The following KCNMA1 variants were observed in gnomAD, a reference collection of about 807,000 sequenced individuals.
KCNMA1 encodes Calcium-activated potassium channel subunit alpha-1.
KCNMA1 carries 29 observed loss-of-function variants against 140.0 expected under a neutral mutation model. The observed-to-expected ratio is 0.21, with a 90% CI of 0.15 to 0.28. KCNMA1 has a LOEUF of 0.28. Among genes scored for constraint, KCNMA1 ranks in the 10% least tolerant of loss-of-function variants. The pLI, the probability that KCNMA1 is intolerant of heterozygous loss-of-function variation, is 1.00. For missense variants in KCNMA1, 880 were observed against 1,602.2 expected, an observed-to-expected ratio of 0.55 and a Z score of 7.70; for synonymous variants, 612 against 611.9, an observed-to-expected ratio of 1.00 and a Z score of 0.00.
chr10:77,086,843 C>T (rs777783893), intron 10 of KCNMA1, among the ~76,000 whole-genome samples: 1 of 152,214 alleles, frequency 6.6e-6, no homozygotes, highest in Admixed American at 6.5e-5. Flanking sequence ...GACCTCAGGA[C>T]AAATGTCTTC....
At chr10:76,888,504 C>T (rs1225887719) in intron 27 of KCNMA1, among the ~76,000 whole-genome samples, 8 of 152,038 alleles carry the variant, frequency 5.3e-5, no homozygotes, top group Non-Finnish European at 7.4e-5. Flanking sequence ...GGATGAGAAA[C>T]GCTTGTCTCT....
At chr10:77,229,449 C>G (rs2052760961) in intron 3 of KCNMA1, among the ~76,000 whole-genome samples, 1 of 152,026 alleles carries the variant, frequency 6.6e-6, no homozygotes, top group South Asian at 2.1e-4. Context: ...TGTTTCTATC[C>G]ATAATTGAGG....
rs533827460 is a variant in KCNMA1, at chr10:77,212,115, T to C, written c.603-27199A>G. 1.2e-3 allele frequency among the ~76,000 whole-genome samples: 179 copies of C among 152,234 alleles called. 2 individuals are homozygous for C. Among genetic ancestry groups the C allele is most frequent in the African/African-American group, 4.0e-3 (167 of 41,548 alleles). On this transcript the variant is annotated intron_variant, in intron 3 of 27. Coordinates refer to ENST00000286628, the MANE Select transcript of KCNMA1 (RefSeq NM_001161352.2). ...TACTGGGTATATACCCAAAGGAAAC[T>C]AGATAATTATACCAAAAAAACACAT...
chr10:76,930,433 T>C (rs144428630), intron 23 of KCNMA1, among the ~76,000 whole-genome samples: 640 of 152,334 alleles, frequency 4.2e-3, no homozygotes, highest in Admixed American at 6.8e-3. Context: ...TATCACCTCA[T>C]ACCTGTTAAG....
At chr10:77,006,773 A>T (rs994651237) in intron 18 of KCNMA1, among the ~76,000 whole-genome samples, 1 of 152,194 alleles carries the variant, frequency 6.6e-6, no homozygotes, top group African/African-American at 2.4e-5. Context: ...CCAATTCTGA[A>T]GGACCATTCA....
intron 3 of KCNMA1, among the ~76,000 whole-genome samples, chr10:77,201,279 G>A (rs12262374): frequency 2.2e-4 from 34 of 152,190 alleles, no homozygotes; most frequent in African/African-American, 7.7e-4. Flanking sequence ...TCTGTGTGCT[G>A]CTGTGACCAT....
At chr10:77,203,223 C>G (rs2042999948) in intron 3 of KCNMA1, among the ~76,000 whole-genome samples, 1 of 152,176 alleles carries the variant, frequency 6.6e-6, no homozygotes, top group African/African-American at 2.4e-5. Flanking sequence ...AGGGTCCTAT[C>G]CTAATCACAA....
At chr10:77,547,712 TG>T (rs1480366867) in intron 1 of KCNMA1, among the ~76,000 whole-genome samples, 4 of 152,194 alleles carry the variant, frequency 2.6e-5, no homozygotes, top group African/African-American at 9.6e-5. Flanking sequence ...GGAGTCAACA[TG>T]GAATTTTATT....
At chr10:77,025,279 T>TATATATATATAC (rs1555137436) in intron 16 of KCNMA1, among the ~76,000 whole-genome samples, 1 of 132,390 alleles carries the variant, frequency 7.6e-6, no homozygotes, top group South Asian at 2.5e-4. Context: ...TATATATATA[T>TATATATATATAC]ATACACACAC....
chr10:76,956,440 C>T (rs146079641), intron 20 of KCNMA1, among the ~76,000 whole-genome samples: 1,611 of 152,232 alleles, frequency 0.011, 16 homozygotes, highest in Non-Finnish European at 0.017. Flanking sequence ...TAAATATAAA[C>T]AATCCAGGAT....
intron 2 of KCNMA1, among the ~76,000 whole-genome samples, chr10:77,383,796 C>A (rs7913952): frequency 0.011 from 1,628 of 152,246 alleles, 23 homozygotes; most frequent in African/African-American, 0.027. Context: ...TGGCCTCAAG[C>A]GATTCTCCTG....
chr10:77,277,679 C>T (rs752042118), intron 2 of KCNMA1, among the ~76,000 whole-genome samples: 9 of 152,174 alleles, frequency 5.9e-5, no homozygotes, highest in South Asian at 2.1e-4. Flanking sequence ...ACATCAAAGT[C>T]GATGCAACAG....
At chr10:77,026,932 TTTG>T (rs1412676937) in intron 16 of KCNMA1, among the ~76,000 whole-genome samples, 1 of 152,092 alleles carries the variant, frequency 6.6e-6, no homozygotes, top group Admixed American at 6.5e-5. Flanking sequence ...TATTAAGGTG[TTTG>T]TTGGAGGGGA....
intron 1 of KCNMA1, among the ~76,000 whole-genome samples, chr10:77,407,840 A>C (rs1323287278): frequency 1.3e-5 from 2 of 152,176 alleles, no homozygotes; most frequent in Non-Finnish European, 2.9e-5. Flanking sequence ...AGAGTAATCC[A>C]CTGAAGCTGC....
At chr10:77,492,688 G>C (rs816850) in intron 1 of KCNMA1, among the ~76,000 whole-genome samples, 51,028 of 152,046 alleles carry the variant, frequency 0.34, 9,312 homozygotes, top group African/African-American at 0.49. Context: ...GGACAAGTTC[G>C]TCAGTCTGTG....
At chr10:76,962,742 T>C (rs1398140270) in intron 20 of KCNMA1, among the ~76,000 whole-genome samples, 1 of 152,186 alleles carries the variant, frequency 6.6e-6, no homozygotes, top group African/African-American at 2.4e-5. Context: ...TATTTTGCTC[T>C]TCCATGTATT....
intron 2 of KCNMA1, among the ~76,000 whole-genome samples, chr10:77,286,766 CGGGGGG>C (rs59896024): frequency 0.21 from 28,182 of 135,886 alleles, 3,749 homozygotes; most frequent in East Asian, 0.41. Context: ...TGTGTGTGTG[CGGGGGG>C]GGGGGGGGGG....
At chr10:77,286,962 A>C (rs1477584609) in intron 2 of KCNMA1, among the ~76,000 whole-genome samples, 2 of 152,236 alleles carry the variant, frequency 1.3e-5, no homozygotes, top group Non-Finnish European at 2.9e-5. Context: ...TTGCCTGTTG[A>C]GGATTAGAGT....
At chr10:76,872,067 A>G (rs1330811382) in exon 28 of KCNMA1, 2 of 152,220 alleles carry the variant, frequency 1.3e-5, no homozygotes, top group African/African-American at 2.4e-5. Flanking sequence ...GTTCTGGACT[A>G]TTAATTATTC....
Sources: gnomAD v4.1 joint callset for allele counts (sites outside exome capture counted in the v4.1 genomes callset) on GRCh38, gnomAD v4.1.1 for gene constraint, MANE v1.5 for transcripts, NCBI Gene and HGNC (gene_info 2026-07-23, HGNC 2026-07-21) for gene names.